The following CTU2 variants were observed in gnomAD, a reference collection of about 807,000 sequenced individuals.
CTU2 encodes the protein cytosolic thiouridylase subunit 2, also known as cytoplasmic tRNA 2-thiolation protein 2.
In CTU2, 80 loss-of-function variants were observed where a neutral mutation model predicts 64.1. The ratio of observed to expected loss-of-function variants is 1.25; its 90% CI spans 1.04 to 1.50. CTU2 has a LOEUF of 1.50. CTU2 is among the 40% of genes most tolerant of loss of function. CTU2 has a pLI of 0.00. For synonymous variants in CTU2, 482 were observed against 285.3 expected (o/e 1.69, Z -6.95); for missense variants, 1,110 against 690.2 (o/e 1.61, Z -6.81).
At position 88,714,250 on chromosome 16, in the gene CTU2, G is replaced by A. The variant is rs374770342; in HGVS notation, c.1097+23G>A. 5.1e-4 allele frequency: 824 copies of A among 1,601,972 alleles called. 1 individual carries two copies. The highest frequency in any genetic ancestry group is 6.0e-4 in the Non-Finnish European group (704 of 1,175,072). On this transcript the variant is annotated intron_variant, in intron 10 of 14. Transcript: ENST00000453996. ...CAGGTGTGGGTGTGTGTGGGTGTGT[G>A]CGGGGGGTGCGCGGGTGTGTGCTGT...
chr16:88,714,766 C>T (rs777369096), intron 12 of CTU2, 29 bp downstream of exon 12: 16 of 1,605,158 alleles, frequency 1.0e-5, no homozygotes, highest in Admixed American at 1.7e-5. Context: ...CACCCATGGC[C>T]AGCTGCATGG....
In CTU2 at chr16:88,715,339, C is replaced by CA. The variant is rs1555551669; in HGVS notation, c.*88_*89insA. The CA allele has an allele frequency of 4.5e-6, 6 of 1,335,110 alleles. No individual in the cohort carries two copies. In the East Asian group the frequency reaches 1.5e-4, roughly 32 times the overall value. The allele number at this position is 1,335,110 out of a possible 1,614,324, so 82.7% of individuals were successfully genotyped here. On this transcript the variant is annotated 3_prime_UTR_variant, in exon 15 of 15. Transcript: ENST00000453996. ...GAAGGCAAGGACGGGGGACTGGCCT[C>CA]TGATTGTCCATTTGTATAAATAAAA...
chr16:88,710,447 A>G (rs902425071), intron 4 of CTU2, 165 bp downstream of exon 4: 5 of 640,568 alleles, frequency 7.8e-6, no homozygotes, highest in South Asian at 3.8e-5. Context: ...AGGTGCACCA[A>G]TCAGGAGCTG....
At chr16:88,710,590 TG>T (rs1597426036) in intron 4 of CTU2, 2 of 403,960 alleles carry the variant, frequency 5.0e-6, no homozygotes, top group East Asian at 9.3e-5. Context: ...AATCAGAAGC[TG>T]GGTCCACAGT....
chr16:88,713,623 CCA>C (rs780091768), intron 8 of CTU2, 22 bp from the exon 9 acceptor site: 1 of 1,607,360 alleles, frequency 6.2e-7, no homozygotes, highest in South Asian at 1.1e-5. Context: ...TTGACCTGGA[CCA>C]CACAGCCCCT....
intron 8 of CTU2, 33 bp from the exon 9 acceptor site, chr16:88,713,614 T>C (rs1911561062): frequency 6.2e-7 from 1 of 1,602,158 alleles, no homozygotes; most frequent in Non-Finnish European, 8.5e-7. Context: ...ATTCGGGCCT[T>C]GACCTGGACC....
intron 1 of CTU2, 26 bp downstream of exon 1, chr16:88,706,624 A>G: frequency 1.5e-6 from 2 of 1,376,126 alleles, no homozygotes; most frequent in Middle Eastern, 2.6e-4. Context: ...CGGACCCGCC[A>G]GGCCGCCCCT....
At chr16:88,707,482 A>G (rs143734629) in intron 2 of CTU2, among the ~76,000 whole-genome samples, 2 of 152,212 alleles carry the variant, frequency 1.3e-5, no homozygotes, top group East Asian at 3.9e-4. Flanking sequence ...CGTGGTGTCT[A>G]GACTGGGATA....
rs1276542711 is a variant in CTU2 at position 88,713,720 on chromosome 16, C to A, written c.947C>A (p.Ala316Asp). Residue 316 changes from alanine to aspartate, a missense_variant, in exon 9 of 15, where the codon GCT (alanine) becomes GAT (aspartate). By Grantham distance (126) the Ala-to-Asp change is moderately radical. Transcript: ENST00000453996. ...PMRDHTLKEV[A>D]FYNRLFSVPS... ...CGGGACCACACCCTGAAGGAGGTCG[C>A]TTTCTACAACCGCCTGTTCTCCGTT... The A allele has an allele frequency of 6.2e-6, 10 of 1,612,696 alleles. No homozygotes were observed. Among genetic ancestry groups the A allele is most frequent in the African/African-American group, 1.3e-5 (1 of 75,052 alleles).
chr16:88,710,223 G>C lies in CTU2; in HGVS notation c.223G>C (p.Val75Leu), dbSNP rs748812385. Residue 75 changes from valine (V) to leucine (L), a missense_variant and splice_region_variant, in exon 4 of 15, where the codon GTG becomes CTG. By Grantham distance (32) the Val-to-Leu change is conservative. Transcript: ENST00000453996. Reference sequence around the variant, plus strand: ...CTGAGTGATGTTTTTTCTCCCCCAGGTGCTCTTGGCGTGGTCTGGGGGGCC... The same window carrying C: ...CTGAGTGATGTTTTTTCTCCCCCAGCTGCTCTTGGCGTGGTCTGGGGGGCC... ...KNRLIFPGEK[V>L]LLAWSGGPSS... The C allele has an allele frequency of 3.1e-6, 5 of 1,613,956 alleles. No individual in the cohort carries two copies. The highest frequency in any genetic ancestry group is 1.6e-4 in the Middle Eastern group (1 of 6,082).
At chr16:88,709,811 C>A (rs1286806501) in intron 2 of CTU2, 127 bp from the exon 3 acceptor site, 6 of 822,192 alleles carry the variant, frequency 7.3e-6, no homozygotes, top group South Asian at 1.5e-5. Context: ...CTGGACAGAG[C>A]CTGGATGTGA....
rs1414147031 is a variant in CTU2 at position 88,714,226 on chromosome 16, AGGTGTGGGTGTGTGTG to A, written c.1097+6_1097+21del. On this transcript the variant is annotated splice_donor_variant and splice_donor_5th_base_variant and coding_sequence_variant and intron_variant, in exon 10 of 15. Coordinates refer to ENST00000453996, the MANE Select transcript of CTU2 (RefSeq NM_001012759.3). LOFTEE classifies it high-confidence loss of function. ...CCCCTCCACTGTCAGCACTGTGTAC[AGGTGTGGGTGTGTGTG>A]GGTGTGTGCGGGGGGTGCGCGGGTG... is the stretch of plus-strand genomic sequence containing the variant. The A allele has an allele frequency of 1.3e-5, 21 of 1,597,572 alleles. No homozygotes were observed. Among genetic ancestry groups the A allele is most frequent in the Middle Eastern group, 1.6e-4 (1 of 6,074 alleles).
rs376307383 is a variant in CTU2, at chr16:88,712,390, G to A, written c.453+7G>A. ...TGTGGTGGCCTTAGAGGAGGTGGGA[G>A]GGCTGTCCCTGGAAAGGGGTCCCGG... On this transcript the variant is annotated splice_region_variant and intron_variant, in intron 6 of 14. Coordinates refer to ENST00000453996, the MANE Select transcript of CTU2 (RefSeq NM_001012759.3). The A allele has an allele frequency of 6.3e-7, 1 of 1,593,588 alleles. No individual in the cohort carries two copies. Among genetic ancestry groups the A allele is most frequent in the Admixed American group, 1.7e-5 (1 of 57,776 alleles).
In CTU2 at chr16:88,714,842, C is replaced by T. The variant is rs751383311; in HGVS notation, c.1353-18C>T. On this transcript the variant is annotated intron_variant, in intron 12 of 14. Coordinates refer to ENST00000453996, the MANE Select transcript of CTU2 (RefSeq NM_001012759.3). ...TTGAGGTGCCAAGGTGGGCACACAG[C>T]CAGCTCTGCTCCCGCAGGGAGGACC... 3.7e-6 allele frequency: 6 copies of T among 1,612,332 alleles called. No homozygotes were observed. The highest frequency in any genetic ancestry group is 1.6e-4 in the Middle Eastern group (1 of 6,068).
chr16:88,714,817 T>G, intron 12 of CTU2, 43 bp from the exon 13 acceptor site: 1 of 1,611,454 alleles, frequency 6.2e-7, no homozygotes, highest in Non-Finnish European at 8.5e-7. Flanking sequence ...CTGCACGGCA[T>G]TGAGGTGCCA....
At chr16:88,706,789 C>T (rs1418277264) in intron 1 of CTU2, 191 bp downstream of exon 1, 4 of 527,226 alleles carry the variant, frequency 7.6e-6, no homozygotes, top group Middle Eastern at 5.2e-4. Flanking sequence ...TGGCTCGCGC[C>T]TCTCATCCTA....
intron 5 of CTU2, 55 bp downstream of exon 5, chr16:88,711,750 G>A: frequency 1.3e-6 from 2 of 1,533,768 alleles, no homozygotes; most frequent in Non-Finnish European, 1.8e-6. Context: ...AAGCCCTGCG[G>A]ATCCTCCCTC....
Position 88,715,182 on chromosome 16 carries a change from G to C in CTU2, c.1479G>C (p.Arg493Ser), listed in dbSNP as rs1451123335. ...GTGCCCACTGCAGCTTTCTCTCTAG[G>C]GCCTGGGGCTTGCAGGAGATCCGGG... The part of the protein sequence containing the change: ...ILAEAQLRTQ[R>S]AWGLQEIRDC... Residue 493 changes from arginine to serine, a missense_variant and splice_region_variant, in exon 15 of 15, where the codon AGG becomes AGC. Physicochemically the swap from Arg to Ser is moderately radical, Grantham distance 110. Transcript: ENST00000453996. 13 of 1,612,170 alleles carry C rather than the reference G, an allele frequency of 8.1e-6. No homozygotes were observed. The Admixed American group carries it at 2.2e-4, about 27-fold the overall frequency.
chr16:88,715,342 A>C lies in CTU2; in HGVS notation c.*91A>C. The C allele has an allele frequency of 7.6e-7, 1 of 1,322,520 alleles. No homozygotes were observed. The highest frequency in any genetic ancestry group is 1.0e-6 in the Non-Finnish European group (1 of 960,590). 81.9% of individuals were successfully genotyped at this position (1,322,520 alleles called of 1,614,324 possible). ...GGCAAGGACGGGGGACTGGCCTCTG[A>C]TTGTCCATTTGTATAAATAAAACAT... On this transcript the variant is annotated 3_prime_UTR_variant, in exon 15 of 15. Coordinates refer to ENST00000453996, the MANE Select transcript of CTU2 (RefSeq NM_001012759.3).
Sources: gnomAD v4.1 joint callset for allele counts (sites outside exome capture counted in the v4.1 genomes callset) on GRCh38, gnomAD v4.1.1 for gene constraint, MANE v1.5 for transcripts, NCBI Gene and HGNC (gene_info 2026-07-23, HGNC 2026-07-21) for gene names.